Variants in BCLAF3 observed in about 807,000 individuals in gnomAD.
BCLAF3 encodes BCLAF1 and THRAP3 family member 3.
In BCLAF3, 24 loss-of-function variants were observed where a neutral mutation model predicts 51.2. That is an observed-to-expected ratio of 0.47 (90% CI 0.34 to 0.66). The LOEUF is 0.66. Ranked by LOEUF, BCLAF3 falls within the 30% of genes least tolerant of loss-of-function variation. The pLI, the probability that BCLAF3 is intolerant of heterozygous loss-of-function variation, is 0.01. For synonymous variants in BCLAF3, 152 were observed against 176.6 expected (o/e 0.86, Z 1.10); for missense variants, 465 against 525.1 (o/e 0.89, Z 1.12).
Position 19,917,160 on chromosome X carries a change from C to T in BCLAF3, c.*145G>A. The T allele has an allele frequency of 5.7e-6, 3 of 530,163 alleles. No homozygotes were observed. Among genetic ancestry groups the T allele is most frequent in the Admixed American group, 6.9e-5 (2 of 28,917 alleles). 43.7% of individuals were successfully genotyped at this position (530,163 alleles called of 1,213,427 possible). ...GCAATTGTTAGGTGTAAAAAAGTTG[C>T]AGCATTCCACTACTAAAAAATAAAG... On this transcript the variant is annotated 3_prime_UTR_variant, in exon 12 of 12. Coordinates refer to ENST00000379682, the MANE Select transcript of BCLAF3 (RefSeq NM_001367774.2).
At chrX:19,946,698 T>G (rs962598005) in intron 8 of BCLAF3, among the ~76,000 whole-genome samples, 1 of 111,678 alleles carries the variant, frequency 9.0e-6, no homozygotes, top group South Asian at 3.7e-4. Context: ...ATCTACTCTC[T>G]CCCTTTACCA....
At chrX:19,980,089 G>A (rs1224800557) in intron 1 of BCLAF3, among the ~76,000 whole-genome samples, 1 of 112,068 alleles carries the variant, frequency 8.9e-6, no homozygotes, top group Non-Finnish European at 1.9e-5. Context: ...TGCTCAGAAT[G>A]CAAGAAAACA....
intron 8 of BCLAF3, among the ~76,000 whole-genome samples, chrX:19,939,947 T>A (rs888489710): frequency 3.6e-5 from 4 of 112,208 alleles, no homozygotes; most frequent in African/African-American, 9.7e-5. Context: ...GAGGAGTTAC[T>A]GTTCAATGGA....
At chrX:19,953,686 G>A (rs2071569421) in intron 6 of BCLAF3, 92 bp downstream of exon 6, 11 of 608,571 alleles carry the variant, frequency 1.8e-5, no homozygotes, top group Non-Finnish European at 2.8e-5. Context: ...GCAAGCCCAA[G>A]TGAGCAGGTT....
intron 8 of BCLAF3, among the ~76,000 whole-genome samples, chrX:19,940,840 T>C (rs1446185507): frequency 9.0e-5 from 10 of 111,550 alleles, no homozygotes; most frequent in African/African-American, 2.0e-4. Context: ...CCTGAGGAAT[T>C]GCCACACTGA....
intron 8 of BCLAF3, among the ~76,000 whole-genome samples, chrX:19,945,027 A>G (rs1476206212): frequency 9.4e-6 from 1 of 106,031 alleles, no homozygotes; most frequent in African/African-American, 3.5e-5. Context: ...CATTCATTTC[A>G]TCTTCCATTG....
At position 19,914,350 on chromosome X, in the gene BCLAF3, C is replaced by T. The variant is rs780202536; in HGVS notation, c.*2955G>A. On this transcript the variant is annotated 3_prime_UTR_variant, in exon 12 of 12. Transcript: ENST00000379682. ...GGGCGAGGGATGAAGTCATACCACACCTTGTTGCATCAGCTTCTTCTTCCT... is the reference window on the plus strand; with the variant it reads ...GGGCGAGGGATGAAGTCATACCACATCTTGTTGCATCAGCTTCTTCTTCCT... 8.1e-5 allele frequency: 9 copies of T among 110,777 alleles called. No homozygotes were observed. The highest frequency in any genetic ancestry group is 3.0e-4 in the African/African-American group (9 of 30,497). 9.1% of individuals were successfully genotyped at this position (110,777 alleles called of 1,213,427 possible). A position where few individuals can be genotyped will look rare whatever the true frequency, so the allele number is the denominator to read the frequency against.
At chrX:19,971,697 T>C (rs1256768852) in intron 1 of BCLAF3, among the ~76,000 whole-genome samples, 1 of 111,930 alleles carries the variant, frequency 8.9e-6, no homozygotes, top group Non-Finnish European at 1.9e-5. Context: ...GTTCCTAACT[T>C]AGTGGTCCCA....
chrX:19,964,598 G>A (rs1391148877), intron 4 of BCLAF3, among the ~76,000 whole-genome samples: 1 of 110,597 alleles, frequency 9.0e-6, no homozygotes, highest in East Asian at 2.8e-4. Context: ...TCTCAGGGTC[G>A]CGCTTTCCTC....
At chrX:19,945,893 T>C (rs5909344) in intron 8 of BCLAF3, among the ~76,000 whole-genome samples, 7,428 of 106,272 alleles carry the variant, frequency 0.07, 289 homozygotes, top group Middle Eastern at 0.13. Context: ...CCTTGCAGTT[T>C]GATCTCAGAC....
chrX:19,947,889 T>C (rs1204809703), intron 8 of BCLAF3, among the ~76,000 whole-genome samples: 8 of 112,728 alleles, frequency 7.1e-5, no homozygotes, highest in Admixed American at 5.6e-4. Context: ...TTCATTTCTT[T>C]CGTATTTCTG....
chrX:19,936,908 A>T (rs2070783799), intron 9 of BCLAF3, among the ~76,000 whole-genome samples: 1 of 112,235 alleles, frequency 8.9e-6, no homozygotes. Flanking sequence ...TGGTTAATTT[A>T]CTAAAAATCA....
chrX:19,962,302 C>T (rs1194745989), intron 4 of BCLAF3, among the ~76,000 whole-genome samples: 1 of 111,408 alleles, frequency 9.0e-6, no homozygotes, highest in Non-Finnish European at 1.9e-5. Flanking sequence ...CCACCCCAGC[C>T]TCCCAAGTAG....
intron 4 of BCLAF3, among the ~76,000 whole-genome samples, chrX:19,957,009 T>A (rs1251955363): frequency 2.7e-5 from 3 of 111,946 alleles, no homozygotes; most frequent in African/African-American, 9.7e-5. Flanking sequence ...AAATTTTAGC[T>A]CCTCTAATAA....
chrX:19,962,922 C>G (rs1328384786), intron 4 of BCLAF3, among the ~76,000 whole-genome samples: 1 of 108,788 alleles, frequency 9.2e-6, no homozygotes, highest in Non-Finnish European at 1.9e-5. Context: ...TCTATCTCTA[C>G]AAAATAATTT....
intron 1 of BCLAF3, among the ~76,000 whole-genome samples, chrX:19,986,665 G>A (rs1000177973): frequency 9.0e-6 from 1 of 111,728 alleles, no homozygotes; most frequent in South Asian, 3.7e-4. Flanking sequence ...GGGCTAAACT[G>A]AGAAAGCCAA....
chrX:19,928,449 G>A (rs1209634855), intron 11 of BCLAF3, among the ~76,000 whole-genome samples: 1 of 109,346 alleles, frequency 9.1e-6, no homozygotes, highest in East Asian at 2.9e-4. Context: ...CAGGCGTAGT[G>A]GCAGGCGCCT....
chrX:19,964,589 C>T (rs1177909677), intron 4 of BCLAF3, among the ~76,000 whole-genome samples: 1 of 110,680 alleles, frequency 9.0e-6, no homozygotes, highest in Non-Finnish European at 1.9e-5. Flanking sequence ...CACTTCATCT[C>T]TCAGGGTCGC....
At chrX:19,979,354 A>G (rs770587560) in intron 1 of BCLAF3, among the ~76,000 whole-genome samples, 12 of 111,690 alleles carry the variant, frequency 1.1e-4, no homozygotes, top group Non-Finnish European at 1.5e-4. Flanking sequence ...ACCCTTCATC[A>G]GTAGAAAGAT....
Sources: allele counts gnomAD v4.1 joint callset (sites outside exome capture counted in the v4.1 genomes callset), GRCh38; gene constraint gnomAD v4.1.1; transcripts MANE v1.5; gene names NCBI Gene and HGNC (gene_info 2026-07-23, HGNC 2026-07-21).